Variants in SLC12A8 observed in about 807,000 individuals in gnomAD.
SLC12A8 encodes the protein cation-chloride cotransporter 9.
A neutral mutation model predicts 75.6 loss-of-function variants in SLC12A8; 69 were observed. That is an observed-to-expected ratio of 0.91 (90% CI 0.75 to 1.11). The LOEUF is 1.11. Ranked by LOEUF, SLC12A8 falls within the 50% of genes most tolerant of loss-of-function variation. The pLI is 0.00. For missense variants in SLC12A8, 877 were observed against 896.7 expected, an observed-to-expected ratio of 0.98 and a Z score of 0.28; for synonymous variants, 365 against 372.8, an observed-to-expected ratio of 0.98 and a Z score of 0.24.
intron 5 of SLC12A8, among the ~76,000 whole-genome samples, chr3:125,137,548 T>C (rs993533627): frequency 6.6e-6 from 1 of 152,036 alleles, no homozygotes; most frequent in Non-Finnish European, 1.5e-5. Flanking sequence ...TGGACTAATG[T>C]GCAGGTCGGA....
intron 4 of SLC12A8, among the ~76,000 whole-genome samples, chr3:125,182,475 C>T (rs1290017583): frequency 6.6e-6 from 1 of 151,172 alleles, no homozygotes; most frequent in African/African-American, 2.4e-5. Flanking sequence ...GTGAGAACTA[C>T]AAGCCATGGA....
intron 5 of SLC12A8, among the ~76,000 whole-genome samples, chr3:125,141,560 G>A (rs1000251460): frequency 2.6e-5 from 4 of 152,234 alleles, no homozygotes; most frequent in African/African-American, 9.6e-5. Context: ...CGCCGCTGGG[G>A]GCTGCTGAAA....
intron 2 of SLC12A8, among the ~76,000 whole-genome samples, chr3:125,204,195 A>C (rs1467788768): frequency 6.6e-6 from 1 of 152,244 alleles, no homozygotes; most frequent in East Asian, 1.9e-4. Flanking sequence ...AAAAATTAAA[A>C]ATAGAACTAC....
intron 5 of SLC12A8, among the ~76,000 whole-genome samples, chr3:125,143,336 G>A (rs181531354): frequency 1.4e-4 from 21 of 152,318 alleles, no homozygotes; most frequent in African/African-American, 5.1e-4. Flanking sequence ...AAACTGAATC[G>A]GGCTGTATTG....
At chr3:125,178,044 G>A in intron 4 of SLC12A8, 70 bp from the exon 5 acceptor site, 1 of 1,286,130 alleles carries the variant, frequency 7.8e-7, no homozygotes, top group South Asian at 1.3e-5. Context: ...GAACCGCCCA[G>A]CGCTGAGAAC....
At chr3:125,170,111 A>G (rs1934377602) in intron 5 of SLC12A8, among the ~76,000 whole-genome samples, 1 of 152,230 alleles carries the variant, frequency 6.6e-6, no homozygotes, top group Admixed American at 6.5e-5. Flanking sequence ...TTTGCCCATC[A>G]CATGACAGAA....
At chr3:125,161,782 CCTG>C (rs1457486964) in intron 5 of SLC12A8, among the ~76,000 whole-genome samples, 1 of 152,190 alleles carries the variant, frequency 6.6e-6, no homozygotes, top group Non-Finnish European at 1.5e-5. Context: ...TCCCTGCTGA[CCTG>C]CTGTGGGAAA....
At chr3:125,186,014 T>C (rs1934774120) in intron 4 of SLC12A8, among the ~76,000 whole-genome samples, 1 of 152,216 alleles carries the variant, frequency 6.6e-6, no homozygotes, top group Non-Finnish European at 1.5e-5. Flanking sequence ...CAGATGCCTG[T>C]CTTTGTCCAG....
intron 10 of SLC12A8, among the ~76,000 whole-genome samples, chr3:125,104,372 G>C (rs538624509): frequency 6.6e-6 from 1 of 151,974 alleles, no homozygotes; most frequent in African/African-American, 2.4e-5. Flanking sequence ...GCCTCCCAAA[G>C]TGCTGGGATT....
intron 8 of SLC12A8, among the ~76,000 whole-genome samples, chr3:125,111,130 C>A (rs975750283): frequency 6.6e-6 from 1 of 152,226 alleles, no homozygotes; most frequent in Admixed American, 6.5e-5. Context: ...TAGGATAGCA[C>A]CTATCGTGGT....
At chr3:125,120,867 C>G in intron 6 of SLC12A8, 181 bp from the exon 7 acceptor site, 1 of 704,492 alleles carries the variant, frequency 1.4e-6, no homozygotes, top group Non-Finnish European at 2.6e-6. Context: ...GGAGGCATCC[C>G]TGTGGCGTGA....
chr3:125,085,428 A>AC, intron 13 of SLC12A8, among the ~76,000 whole-genome samples: 1 of 152,296 alleles, frequency 6.6e-6, no homozygotes. Context: ...AGAGGAAGTA[A>AC]CCTAGCCAAA....
chr3:125,208,028 G>C (rs1935258591), intron 2 of SLC12A8, among the ~76,000 whole-genome samples: 1 of 152,188 alleles, frequency 6.6e-6, no homozygotes, highest in South Asian at 2.1e-4. Flanking sequence ...GGAGCCTGTG[G>C]GTAACTTGCC....
At position 125,098,879 on chromosome 3, in the gene SLC12A8, G is replaced by A. The variant is rs574442379; in HGVS notation, c.1706-6681C>T. 2.7e-4 allele frequency among the ~76,000 whole-genome samples: 41 copies of A among 152,188 alleles called. No homozygotes were observed. In the South Asian group the frequency reaches 7.5e-3, roughly 28 times the overall value. ...ATAAGCACAGTAGAAAAATGAATGG[G>A]GAAAATCCTTGCTAGCCTGAAAGTG... On this transcript the variant is annotated intron_variant, in intron 10 of 13. Transcript: ENST00000469902.
chr3:125,099,957 A>G (rs547025572), intron 10 of SLC12A8, among the ~76,000 whole-genome samples: 1 of 152,342 alleles, frequency 6.6e-6, no homozygotes, highest in South Asian at 2.1e-4. Flanking sequence ...AATATAAACT[A>G]TAAAAAAGAA....
At chr3:125,190,181 A>G (rs550758011) in intron 3 of SLC12A8, among the ~76,000 whole-genome samples, 194 bp downstream of exon 3, 1 of 152,294 alleles carries the variant, frequency 6.6e-6, no homozygotes, top group East Asian at 1.9e-4. Flanking sequence ...TTTCCATTAG[A>G]AATTCGGAAG....
chr3:125,091,704 T>G, intron 11 of SLC12A8, 148 bp from the exon 12 acceptor site: 1 of 605,402 alleles, frequency 1.7e-6, no homozygotes, highest in East Asian at 2.8e-5. Flanking sequence ...TATGAAGAAT[T>G]CAAAAAACCT....
intron 5 of SLC12A8, among the ~76,000 whole-genome samples, chr3:125,143,723 G>A (rs1933703279): frequency 6.6e-6 from 1 of 152,198 alleles, no homozygotes; most frequent in Non-Finnish European, 1.5e-5. Flanking sequence ...GGGAGGACTG[G>A]CTGTTGTGAA....
chr3:125,094,807 A>G (rs1489298208), intron 10 of SLC12A8, among the ~76,000 whole-genome samples: 3 of 152,330 alleles, frequency 2.0e-5, no homozygotes, highest in East Asian at 1.9e-4. Flanking sequence ...CTTTTCCACT[A>G]AAACTACTCT....
Sources: gnomAD v4.1 joint callset for allele counts (sites outside exome capture counted in the v4.1 genomes callset) on GRCh38, gnomAD v4.1.1 for gene constraint, MANE v1.5 for transcripts, NCBI Gene and HGNC (gene_info 2026-07-23, HGNC 2026-07-21) for gene names.